The following ZCCHC7 variants were observed in gnomAD, a reference collection of about 807,000 sequenced individuals.
ZCCHC7 encodes zinc finger CCHC domain-containing protein 7.
ZCCHC7 carries 35 observed loss-of-function variants against 52.0 expected under a neutral mutation model. The ratio of observed to expected loss-of-function variants is 0.67; its 90% CI spans 0.51 to 0.89. ZCCHC7 has a LOEUF of 0.89. Among genes scored for constraint, ZCCHC7 ranks in the 40% least tolerant of loss-of-function variants. The pLI, the probability that ZCCHC7 is intolerant of heterozygous loss-of-function variation, is 0.00. For missense variants in ZCCHC7, 574 were observed against 649.1 expected (o/e 0.88, Z 1.26); for synonymous variants, 217 against 221.5 (o/e 0.98, Z 0.18).
intron 5 of ZCCHC7, among the ~76,000 whole-genome samples, chr9:37,305,950 G>A (rs1027825565): frequency 1.3e-5 from 2 of 152,016 alleles, no homozygotes; most frequent in Admixed American, 6.6e-5. Flanking sequence ...TCAAGAGATA[G>A]CATTAATAAA....
At chr9:37,181,110 T>A (rs191240722) in intron 2 of ZCCHC7, among the ~76,000 whole-genome samples, 8 of 152,298 alleles carry the variant, frequency 5.3e-5, no homozygotes, top group Non-Finnish European at 1.2e-4. Flanking sequence ...TTACTTTGTG[T>A]AGTTTTTTTT....
Position 37,310,958 on chromosome 9 carries a change from T to TA in ZCCHC7, c.951+5244_951+5245insA, listed in dbSNP as rs1418567692. Among the ~76,000 whole-genome samples, 1,021 of 132,740 alleles carry TA rather than the reference T, an allele frequency of 7.7e-3. 2 individuals are homozygous for TA. The highest frequency in any genetic ancestry group is 0.012 in the South Asian group (50 of 4,168). 87.1% of individuals were successfully genotyped at this position (132,740 alleles called of 152,430 possible). A position where few individuals can be genotyped will look rare whatever the true frequency, so the allele number is the denominator to read the frequency against. ...GGTGACAGTGTAAGACTCTCTCTTT[T>TA]TAAAAAAAAAAAAAAAAAAAAATCA... is the stretch of plus-strand genomic sequence containing the variant. On this transcript the variant is annotated intron_variant, in intron 5 of 8. Coordinates refer to ENST00000336755, the MANE Select transcript of ZCCHC7 (RefSeq NM_032226.3).
At chr9:37,331,967 A>C (rs1016863624) in intron 6 of ZCCHC7, among the ~76,000 whole-genome samples, 1 of 151,644 alleles carries the variant, frequency 6.6e-6, no homozygotes, top group Non-Finnish European at 1.5e-5. Flanking sequence ...GGCCTAGCAC[A>C]TAGGTTTTCA....
intron 2 of ZCCHC7, among the ~76,000 whole-genome samples, chr9:37,279,318 T>G (rs757672040): frequency 6.6e-6 from 1 of 152,022 alleles, no homozygotes; most frequent in African/African-American, 2.4e-5. Context: ...GGTGACAAGT[T>G]TTTTACATTT....
rs190937226 is a variant in ZCCHC7 at position 37,121,691 on chromosome 9, G to T, written c.-22+1068G>T. Reference sequence around the variant, plus strand: ...TAGCACGGTAAGAGACTGCATGACCGAAGGAAAAGGGCTAAGGGAAAGGTG... The same window carrying T: ...TAGCACGGTAAGAGACTGCATGACCTAAGGAAAAGGGCTAAGGGAAAGGTG... On this transcript the variant is annotated intron_variant, in intron 1 of 8. Coordinates refer to ENST00000336755, the MANE Select transcript of ZCCHC7 (RefSeq NM_032226.3). The T allele has an allele frequency of 2.6e-5, 4 of 152,310 alleles. No homozygotes were observed. In the East Asian group the frequency reaches 7.7e-4, roughly 29 times the overall value. 9.4% of individuals were successfully genotyped at this position (152,310 alleles called of 1,614,324 possible).
intron 2 of ZCCHC7, among the ~76,000 whole-genome samples, chr9:37,189,603 G>A (rs373332816): frequency 7.3e-4 from 111 of 152,168 alleles, no homozygotes; most frequent in Non-Finnish European, 1.4e-3. Context: ...GACCAGGCTG[G>A]TCTCGAACTC....
chr9:37,168,294 T>A (rs1261032258), intron 2 of ZCCHC7, among the ~76,000 whole-genome samples: 1 of 152,200 alleles, frequency 6.6e-6, no homozygotes, highest in Non-Finnish European at 1.5e-5. Flanking sequence ...TTTTGATGGT[T>A]TCAGGTGGGA....
At chr9:37,328,049 T>G (rs1830321616) in intron 6 of ZCCHC7, among the ~76,000 whole-genome samples, 1 of 152,102 alleles carries the variant, frequency 6.6e-6, no homozygotes, top group African/African-American at 2.4e-5. Flanking sequence ...TTTTTATTAC[T>G]CACATCATTT....
intron 2 of ZCCHC7, among the ~76,000 whole-genome samples, chr9:37,295,753 A>C (rs890494663): frequency 1.3e-5 from 2 of 152,200 alleles, no homozygotes; most frequent in Non-Finnish European, 2.9e-5. Context: ...ATTTTAGTGA[A>C]TATGAGTTTG....
chr9:37,342,492 G>C (rs918580983), intron 6 of ZCCHC7, among the ~76,000 whole-genome samples: 1 of 152,238 alleles, frequency 6.6e-6, no homozygotes, highest in Admixed American at 6.5e-5. Flanking sequence ...GATGAGAGCA[G>C]ATTCAATAGA....
chr9:37,221,785 T>C (rs1824825234), intron 2 of ZCCHC7, among the ~76,000 whole-genome samples: 1 of 152,144 alleles, frequency 6.6e-6, no homozygotes, highest in Non-Finnish European at 1.5e-5. Context: ...GTACTAAAAA[T>C]GATCTTAGTG....
intron 2 of ZCCHC7, among the ~76,000 whole-genome samples, chr9:37,139,537 T>C (rs1445352259): frequency 6.6e-6 from 1 of 152,054 alleles, no homozygotes; most frequent in Non-Finnish European, 1.5e-5. Flanking sequence ...GCTAAATGTA[T>C]AGCTTTTATT....
intron 2 of ZCCHC7, among the ~76,000 whole-genome samples, chr9:37,137,335 C>T (rs918121291): frequency 1.3e-5 from 2 of 151,922 alleles, no homozygotes; most frequent in Admixed American, 6.6e-5. Flanking sequence ...ATTTGAGTTT[C>T]GAAAAATGGG....
chr9:37,304,415 A>G, intron 4 of ZCCHC7, 102 bp downstream of exon 4: 1 of 1,393,452 alleles, frequency 7.2e-7, no homozygotes, highest in South Asian at 1.4e-5. Context: ...GCACTTTGGG[A>G]AGCCGAGGCA....
At chr9:37,206,783 T>C (rs1351243681) in intron 2 of ZCCHC7, among the ~76,000 whole-genome samples, 1 of 152,142 alleles carries the variant, frequency 6.6e-6, no homozygotes, top group Non-Finnish European at 1.5e-5. Flanking sequence ...ACCTCCTCCC[T>C]TACAAGGTGG....
At chr9:37,127,508 G>C (rs1452005963) in intron 2 of ZCCHC7, among the ~76,000 whole-genome samples, 1 of 152,168 alleles carries the variant, frequency 6.6e-6, no homozygotes, top group Non-Finnish European at 1.5e-5. Context: ...TGCAAATTTT[G>C]ATAGCTACAT....
intron 2 of ZCCHC7, among the ~76,000 whole-genome samples, chr9:37,280,762 T>C (rs1249282218): frequency 6.6e-6 from 1 of 151,916 alleles, no homozygotes; most frequent in Non-Finnish European, 1.5e-5. Flanking sequence ...CTCTCTCTCT[T>C]TCTTTCTCTT....
In ZCCHC7 at chr9:37,122,944, A is replaced by G. The variant is rs139046517; in HGVS notation, c.-22+2321A>G. On this transcript the variant is annotated intron_variant, in intron 1 of 8. Transcript: ENST00000336755. ...AGAACGAGACTCCGTCTCAAGGGGG[A>G]AAAAAAGAAATTTGTTTAAAAATTT... 3.3e-5 allele frequency among the ~76,000 whole-genome samples: 5 copies of G among 152,296 alleles called. No homozygotes were observed. The East Asian group carries it at 9.7e-4, about 29-fold the overall frequency.
At chr9:37,122,594 T>C (rs1397843964) in intron 1 of ZCCHC7, among the ~76,000 whole-genome samples, 1 of 152,340 alleles carries the variant, frequency 6.6e-6, no homozygotes, top group Admixed American at 6.5e-5. Flanking sequence ...AATATTGCAA[T>C]GAAGGAAGGT....
Sources: allele counts gnomAD v4.1 joint callset (sites outside exome capture counted in the v4.1 genomes callset), GRCh38; gene constraint gnomAD v4.1.1; transcripts MANE v1.5; gene names NCBI Gene and HGNC (gene_info 2026-07-23, HGNC 2026-07-21).